Variants in SLC25A21 observed in about 807,000 individuals in gnomAD.
SLC25A21 encodes mitochondrial 2-oxodicarboxylate carrier.
SLC25A21 carries 47 observed loss-of-function variants against 43.8 expected under a neutral mutation model. That is an observed-to-expected ratio of 1.07 (90% CI 0.85 to 1.37). The LOEUF (loss-of-function observed/expected upper bound fraction) is 1.37. SLC25A21 is among the 40% of genes most tolerant of loss of function. The pLI is 0.00. For synonymous variants in SLC25A21, 131 were observed against 121.3 expected (o/e 1.08, Z -0.52); for missense variants, 352 against 350.2 (o/e 1.00, Z -0.04).
chr14:37,123,372 G>T (rs1377326945), intron 1 of SLC25A21, among the ~76,000 whole-genome samples: 4 of 152,146 alleles, frequency 2.6e-5, no homozygotes, highest in Non-Finnish European at 5.9e-5. Context: ...CAGATCTACA[G>T]AAAGAGAAGA....
At chr14:37,035,544 C>T (rs1961309227) in intron 1 of SLC25A21, among the ~76,000 whole-genome samples, 1 of 152,196 alleles carries the variant, frequency 6.6e-6, no homozygotes, top group Admixed American at 6.5e-5. Context: ...GAACTTGGGT[C>T]AAGCTGGTAT....
chr14:36,689,115 G>A (rs1000826393), intron 7 of SLC25A21, among the ~76,000 whole-genome samples: 7 of 152,224 alleles, frequency 4.6e-5, no homozygotes, highest in Non-Finnish European at 8.8e-5. Flanking sequence ...CACATGGTTG[G>A]GGAGGCCTCA....
intron 3 of SLC25A21, among the ~76,000 whole-genome samples, chr14:36,795,654 T>C (rs1462395338): frequency 1.3e-5 from 2 of 152,138 alleles, no homozygotes; most frequent in South Asian, 2.1e-4. Context: ...TGTGGATCCA[T>C]GATGGACAGT....
Position 36,701,217 on chromosome 14 carries a change from A to T in SLC25A21, c.603+10101T>A, listed in dbSNP as rs552643648. ...AAATATCTGCTATTGAAGCTTAATTAAAAAATACATTTGTTTTTACTTCAC... is the reference window on the plus strand; with the variant it reads ...AAATATCTGCTATTGAAGCTTAATTTAAAAATACATTTGTTTTTACTTCAC... On this transcript the variant is annotated intron_variant, in intron 7 of 9. Coordinates refer to ENST00000331299, the MANE Select transcript of SLC25A21 (RefSeq NM_030631.4). Among the ~76,000 whole-genome samples the T allele has an allele frequency of 2.6e-5, 4 of 152,344 alleles. 1 individual carries two copies. The highest frequency in any genetic ancestry group is 4.8e-5 in the African/African-American group (2 of 41,580).
chr14:36,993,616 G>C (rs1198935107), intron 1 of SLC25A21, among the ~76,000 whole-genome samples: 1 of 152,106 alleles, frequency 6.6e-6, no homozygotes, highest in Non-Finnish European at 1.5e-5. Flanking sequence ...TTTTGATTGA[G>C]GTTGTACCAA....
intron 2 of SLC25A21, among the ~76,000 whole-genome samples, chr14:36,839,187 T>G (rs1214390182): frequency 6.6e-6 from 1 of 152,248 alleles, no homozygotes; most frequent in Non-Finnish European, 1.5e-5. Context: ...CAGACTCTCA[T>G]TCAAATAATA....
At chr14:36,792,018 T>C (rs1167626885) in intron 3 of SLC25A21, among the ~76,000 whole-genome samples, 13 of 152,190 alleles carry the variant, frequency 8.5e-5, no homozygotes, top group Non-Finnish European at 1.3e-4. Flanking sequence ...TACACTTCAG[T>C]AAAGAGTTCT....
In SLC25A21 at chr14:36,756,722, T is replaced by C. The variant is rs1885945876; in HGVS notation, c.204-22149A>G. The stretch of plus-strand genomic sequence containing the variant: ...AGGACAAATGAGTCAAATAAAACCA[T>C]TAACCTGGTACAGTTCCTTAGAACC... On this transcript the variant is annotated intron_variant, in intron 3 of 9. Transcript: ENST00000331299. 2.6e-5 allele frequency among the ~76,000 whole-genome samples: 4 copies of C among 152,294 alleles called. No homozygotes were observed. The South Asian group carries it at 8.3e-4, about 32-fold the overall frequency.
At chr14:36,695,153 T>C (rs1392589825) in intron 7 of SLC25A21, among the ~76,000 whole-genome samples, 1 of 96,134 alleles carries the variant, frequency 1.0e-5, no homozygotes, top group Non-Finnish European at 2.9e-5. Flanking sequence ...CAGCGCACCA[T>C]TTATTAAATA....
chr14:36,889,022 T>A (rs1258387394), intron 1 of SLC25A21, among the ~76,000 whole-genome samples: 1 of 152,232 alleles, frequency 6.6e-6, no homozygotes, highest in Non-Finnish European at 1.5e-5. Flanking sequence ...TAATTTTATA[T>A]TTGCTGATGA....
At chr14:36,988,094 C>A (rs1169677151) in intron 1 of SLC25A21, among the ~76,000 whole-genome samples, 3 of 152,206 alleles carry the variant, frequency 2.0e-5, no homozygotes, top group South Asian at 4.1e-4. Flanking sequence ...TGTGGCAACA[C>A]GGCCTTGTGG....
chr14:36,938,069 C>A (rs1057320330), intron 1 of SLC25A21, among the ~76,000 whole-genome samples: 1 of 151,942 alleles, frequency 6.6e-6, no homozygotes, highest in Non-Finnish European at 1.5e-5. Context: ...CTTTTGGGTG[C>A]TCAGCAAAAT....
chr14:37,067,399 A>G (rs950522285), intron 1 of SLC25A21, among the ~76,000 whole-genome samples: 1 of 152,210 alleles, frequency 6.6e-6, no homozygotes, highest in East Asian at 1.9e-4. Context: ...AATTATATAC[A>G]TAGGTATTAA....
intron 1 of SLC25A21, among the ~76,000 whole-genome samples, chr14:37,061,382 T>A (rs1247798787): frequency 2.0e-5 from 3 of 152,192 alleles, no homozygotes; most frequent in Non-Finnish European, 4.4e-5. Context: ...TGACTCTACC[T>A]TGTCTCATTT....
intron 1 of SLC25A21, among the ~76,000 whole-genome samples, chr14:37,024,124 A>G (rs1435841363): frequency 6.6e-6 from 1 of 152,118 alleles, no homozygotes; most frequent in Non-Finnish European, 1.5e-5. Context: ...CAAAATGAGT[A>G]AGCAAAATTT....
At chr14:37,020,456 T>C (rs1960960851) in intron 1 of SLC25A21, among the ~76,000 whole-genome samples, 1 of 151,912 alleles carries the variant, frequency 6.6e-6, no homozygotes, top group Non-Finnish European at 1.5e-5. Flanking sequence ...CTTTTTTTTT[T>C]TCAAATCACA....
At chr14:37,079,561 T>C (rs1419066779) in intron 1 of SLC25A21, among the ~76,000 whole-genome samples, 2 of 152,156 alleles carry the variant, frequency 1.3e-5, no homozygotes, top group African/African-American at 4.8e-5. Context: ...AAAACACAAA[T>C]CTGAACATGA....
chr14:36,896,096 G>A (rs1169760143), intron 1 of SLC25A21, among the ~76,000 whole-genome samples: 13 of 152,154 alleles, frequency 8.5e-5, no homozygotes, highest in East Asian at 1.9e-4. Context: ...GGATATCCTC[G>A]TTAACTTTCT....
chr14:36,843,293 G>A (rs886438959), intron 2 of SLC25A21, among the ~76,000 whole-genome samples: 2 of 152,284 alleles, frequency 1.3e-5, no homozygotes, highest in Admixed American at 1.3e-4. Flanking sequence ...GCAATGGGTT[G>A]GAGCCTGGCT....
Sources: allele counts gnomAD v4.1 joint callset (sites outside exome capture counted in the v4.1 genomes callset), GRCh38; gene constraint gnomAD v4.1.1; transcripts MANE v1.5; gene names NCBI Gene and HGNC (gene_info 2026-07-23, HGNC 2026-07-21).